PKP4: variants seen among roughly 807,000 people sequenced by gnomAD.
PKP4 encodes the protein plakophilin 4, also known as plakophilin-4.
Under a neutral mutation model 145.1 loss-of-function variants are expected in PKP4, and 90 were observed. That is an observed-to-expected ratio of 0.62 (90% CI 0.52 to 0.74). The LOEUF (loss-of-function observed/expected upper bound fraction) is 0.74. PKP4 is among the 30% of genes least tolerant of loss of function. PKP4 has a pLI of 0.00. For synonymous variants in PKP4, 563 were observed against 577.2 expected (o/e 0.98, Z 0.35); for missense variants, 1,340 against 1,482.7 (o/e 0.90, Z 1.58).
chr2:158,492,752 C>T (rs1574085186), intron 1 of PKP4, among the ~76,000 whole-genome samples: 1 of 152,142 alleles, frequency 6.6e-6, no homozygotes, highest in East Asian at 1.9e-4. Context: ...TCCTGCGTAC[C>T]TTTTAACATT....
Position 158,676,749 on chromosome 2 carries a change from C to T in PKP4, c.3138C>T (p.Thr1046=). 6.2e-7 allele frequency: 1 copy of T among 1,614,170 alleles called. No homozygotes were observed. The highest frequency in any genetic ancestry group is 8.5e-7 in the Non-Finnish European group (1 of 1,180,016). The change falls in exon 20 of 22, where the codon ACC becomes ACT. Residue 1046 remains threonine, a synonymous_variant. Coordinates refer to ENST00000389759, the MANE Select transcript of PKP4 (RefSeq NM_003628.6). ...MSPIIQSVGS[T]SSSPALLGIR... ...TGCCTCTCCCTTCAGTCGGCAGCAC[C>T]TCTTCCTCACCAGCACTGTTAGGAA...
intron 2 of PKP4, among the ~76,000 whole-genome samples, chr2:158,534,572 G>A (rs2043868083): frequency 1.3e-5 from 2 of 152,304 alleles, no homozygotes; most frequent in African/African-American, 2.4e-5. Flanking sequence ...CCACGGAGCT[G>A]TTAAGATGAG....
At chr2:158,603,432 C>T (rs1031460621) in intron 4 of PKP4, among the ~76,000 whole-genome samples, 3 of 152,026 alleles carry the variant, frequency 2.0e-5, no homozygotes, top group Non-Finnish European at 4.4e-5. Context: ...GCTAATTATA[C>T]AAGTTGGGTA....
chr2:158,640,015 C>T (rs2054139847), intron 9 of PKP4, among the ~76,000 whole-genome samples: 1 of 152,236 alleles, frequency 6.6e-6, no homozygotes, highest in South Asian at 2.1e-4. Flanking sequence ...AAATTCCAAA[C>T]TCACACATGT....
intron 2 of PKP4, among the ~76,000 whole-genome samples, chr2:158,559,371 C>T (rs528159862): frequency 6.6e-6 from 1 of 152,086 alleles, no homozygotes; most frequent in African/African-American, 2.4e-5. Context: ...ACCCAGTCTT[C>T]TAACCCTGTT....
intron 1 of PKP4, among the ~76,000 whole-genome samples, chr2:158,491,649 C>CT (rs1340676053): frequency 6.6e-6 from 1 of 151,926 alleles, no homozygotes; most frequent in South Asian, 2.1e-4. Context: ...TGTCTGTAAA[C>CT]TTTATTGAAC....
At chr2:158,577,869 T>C (rs151091995) in intron 3 of PKP4, among the ~76,000 whole-genome samples, 1 of 152,354 alleles carries the variant, frequency 6.6e-6, no homozygotes, top group Admixed American at 6.5e-5. Context: ...TCACATACAG[T>C]AAATACTAAA....
At chr2:158,506,656 A>G (rs2041006722) in intron 1 of PKP4, among the ~76,000 whole-genome samples, 1 of 152,254 alleles carries the variant, frequency 6.6e-6, no homozygotes, top group African/African-American at 2.4e-5. Flanking sequence ...AAGAATTGAC[A>G]CAATAAATCT....
intron 3 of PKP4, chr2:158,588,231 C>G (rs1231574816): frequency 3.9e-5 from 6 of 152,026 alleles, no homozygotes; most frequent in Non-Finnish European, 8.8e-5. Context: ...CTAGATCTTG[C>G]TGGTTTGAAG....
chr2:158,613,907 A>G (rs2105876446), intron 4 of PKP4, among the ~76,000 whole-genome samples: 1 of 152,330 alleles, frequency 6.6e-6, no homozygotes, highest in East Asian at 1.9e-4. Flanking sequence ...GAACAACTTA[A>G]AAGTGTATTG....
At position 158,634,765 on chromosome 2, in the gene PKP4, C is replaced by T. The variant is rs149098690; in HGVS notation, c.1562+476C>T. 4.8e-3 allele frequency among the ~76,000 whole-genome samples: 731 copies of T among 152,282 alleles called. 2 individuals are homozygous for T. The highest frequency in any genetic ancestry group is 0.016 in the African/African-American group (667 of 41,574). On this transcript the variant is annotated intron_variant, in intron 9 of 21. Transcript: ENST00000389759. Reference sequence around the variant, plus strand: ...TATATAACGCTGTTATTAACCAGGTCCTTTGAAAACAATTTGTGACATTTA... The same window carrying T: ...TATATAACGCTGTTATTAACCAGGTTCTTTGAAAACAATTTGTGACATTTA...
chr2:158,505,489 G>A (rs17493113), intron 1 of PKP4, among the ~76,000 whole-genome samples: 3 of 152,150 alleles, frequency 2.0e-5, no homozygotes, highest in South Asian at 2.1e-4. Flanking sequence ...TTTTCCTCCT[G>A]TACTGTGCTG....
At chr2:158,523,924 T>G (rs946732965) in intron 1 of PKP4, among the ~76,000 whole-genome samples, 7 of 124,778 alleles carry the variant, frequency 5.6e-5, no homozygotes, top group Admixed American at 3.4e-4. Context: ...AGAAGGGAAG[T>G]TTAGAGAAAA....
intron 1 of PKP4, among the ~76,000 whole-genome samples, chr2:158,459,498 C>T (rs1179128221): frequency 6.6e-6 from 1 of 151,980 alleles, no homozygotes; most frequent in Non-Finnish European, 1.5e-5. Flanking sequence ...AAATATTTTG[C>T]ACTCAGAAAC....
intron 2 of PKP4, among the ~76,000 whole-genome samples, chr2:158,556,421 C>T: frequency 6.6e-6 from 1 of 151,914 alleles, no homozygotes; most frequent in Non-Finnish European, 1.5e-5. Context: ...GTATCTTTCT[C>T]AATTAGATAT....
intron 1 of PKP4, among the ~76,000 whole-genome samples, chr2:158,466,294 A>G (rs1332966391): frequency 6.6e-6 from 1 of 152,212 alleles, no homozygotes; most frequent in Non-Finnish European, 1.5e-5. Flanking sequence ...TGAGACCCTG[A>G]TACCATTTAT....
chr2:158,620,764 A>G (rs2052148218), intron 4 of PKP4, among the ~76,000 whole-genome samples: 1 of 152,202 alleles, frequency 6.6e-6, no homozygotes, highest in Non-Finnish European at 1.5e-5. Context: ...GAGACTTACA[A>G]TCACAACAAA....
rs137946636 is a variant in PKP4 at position 158,459,266 on chromosome 2, CAT to C, written c.-6+2051_-6+2052del. ...AGTGTTTCTGGGTGTTGAAAAGCAT[CAT>C]ATGTGTGTTTTTATTTGACACAATT... is the stretch of plus-strand genomic sequence containing the variant. On this transcript the variant is annotated intron_variant, in intron 1 of 21. Transcript: ENST00000389759. Among the ~76,000 whole-genome samples the C allele has an allele frequency of 7.2e-3, 1,094 of 152,252 alleles. 14 individuals are homozygous for C. Among genetic ancestry groups the C allele is most frequent in the African/African-American group, 0.025 (1,041 of 41,530 alleles).
At chr2:158,555,718 C>G (rs1166669234) in intron 2 of PKP4, among the ~76,000 whole-genome samples, 2 of 152,200 alleles carry the variant, frequency 1.3e-5, no homozygotes, top group Non-Finnish European at 2.9e-5. Flanking sequence ...TCCATGCCAC[C>G]TGTATCCTCA....
Sources: allele counts gnomAD v4.1 joint callset (sites outside exome capture counted in the v4.1 genomes callset), GRCh38; gene constraint gnomAD v4.1.1; transcripts MANE v1.5; gene names NCBI Gene and HGNC (gene_info 2026-07-23, HGNC 2026-07-21).